FER1L6: variants seen among roughly 807,000 people sequenced by gnomAD.
FER1L6 encodes fer-1-like protein 6.
Under a neutral mutation model 219.2 loss-of-function variants are expected in FER1L6, and 177 were observed. That is an observed-to-expected ratio of 0.81 (90% CI 0.71 to 0.91). FER1L6 has a LOEUF of 0.91. Among genes scored for constraint, FER1L6 ranks in the 40% least tolerant of loss-of-function variants. The pLI, the probability that FER1L6 is intolerant of heterozygous loss-of-function variation, is 0.00. For synonymous variants in FER1L6, 768 were observed against 824.3 expected, an observed-to-expected ratio of 0.93 and a Z score of 1.17; for missense variants, 2,153 against 2,259.9, an observed-to-expected ratio of 0.95 and a Z score of 0.96.
intron 15 of FER1L6, among the ~76,000 whole-genome samples, chr8:124,014,908 C>G (rs1818112123): frequency 6.6e-6 from 1 of 152,156 alleles, no homozygotes; most frequent in African/African-American, 2.4e-5. Flanking sequence ...CTCTCCCTGG[C>G]TGCAGTCATA....
intron 18 of FER1L6, among the ~76,000 whole-genome samples, chr8:124,025,046 T>C (rs977713099): frequency 1.1e-4 from 17 of 150,062 alleles, no homozygotes; most frequent in Middle Eastern, 3.4e-3. Flanking sequence ...CAGTTTTTAA[T>C]GGAATTATTT....
chr8:124,016,466 A>AT (rs994749707), intron 15 of FER1L6, among the ~76,000 whole-genome samples: 1 of 151,640 alleles, frequency 6.6e-6, no homozygotes, highest in Non-Finnish European at 1.5e-5. Flanking sequence ...CATGCTCATC[A>AT]TTAAAAAAAA....
chr8:123,964,762 T>C (rs1815460904), intron 3 of FER1L6, among the ~76,000 whole-genome samples: 1 of 152,216 alleles, frequency 6.6e-6, no homozygotes, highest in Non-Finnish European at 1.5e-5. Flanking sequence ...CACCCACCAA[T>C]GCTCAATTCA....
At chr8:124,001,035 G>A (rs1817386358) in intron 12 of FER1L6, among the ~76,000 whole-genome samples, 1 of 152,142 alleles carries the variant, frequency 6.6e-6, no homozygotes, top group African/African-American at 2.4e-5. Context: ...TTATGAGGTG[G>A]GGCTCTAGGA....
In FER1L6 at chr8:123,975,173, G is replaced by A. The variant is rs920583578; in HGVS notation, c.550G>A (p.Ala184Thr). ...AGGTCATCAGTTCTGCAACAAGTGG[G>A]CCCTGCTCACAGACCCTGGTGACAT... is the stretch of plus-strand genomic sequence containing the variant. ...QPGHQFCNKW[A>T]LLTDPGDIRT... Residue 184 changes from alanine to threonine, a missense_variant, in exon 8 of 41, where the codon GCC becomes ACC. Transcript: ENST00000522917. The A allele has an allele frequency of 6.2e-7, 1 of 1,608,270 alleles. No individual in the cohort carries two copies. The highest frequency in any genetic ancestry group is 1.1e-5 in the South Asian group (1 of 90,268).
chr8:124,028,245 C>T (rs1818793557), intron 18 of FER1L6, among the ~76,000 whole-genome samples: 1 of 152,164 alleles, frequency 6.6e-6, no homozygotes, highest in African/African-American at 2.4e-5. Context: ...TTGTATTTTC[C>T]TTTTGCCATT....
At chr8:124,007,483 T>C (rs995672300) in intron 13 of FER1L6, among the ~76,000 whole-genome samples, 1 of 152,200 alleles carries the variant, frequency 6.6e-6, no homozygotes, top group Non-Finnish European at 1.5e-5. Context: ...CTTCTTCAAC[T>C]TTTTGTTATA....
intron 9 of FER1L6, among the ~76,000 whole-genome samples, 159 bp from the exon 10 acceptor site, chr8:123,977,258 G>A (rs1048979352): frequency 3.3e-5 from 5 of 152,214 alleles, no homozygotes; most frequent in Non-Finnish European, 7.3e-5. Context: ...CATAGAGCAG[G>A]TCATCAGTCA....
At chr8:123,867,253 A>G (rs1563667407) in intron 1 of FER1L6, among the ~76,000 whole-genome samples, 1 of 152,208 alleles carries the variant, frequency 6.6e-6, no homozygotes, top group East Asian at 1.9e-4. Flanking sequence ...ATGGTGTGAC[A>G]TTTTCATTTA....
chr8:124,050,527 A>C (rs113557337), intron 22 of FER1L6, among the ~76,000 whole-genome samples: 10 of 152,130 alleles, frequency 6.6e-5, no homozygotes, highest in Non-Finnish European at 8.8e-5. Context: ...TTGACCTCCT[A>C]CTCACTGAGG....
intron 12 of FER1L6, among the ~76,000 whole-genome samples, chr8:123,996,452 C>T (rs1215909251): frequency 6.6e-6 from 1 of 152,038 alleles, no homozygotes; most frequent in Non-Finnish European, 1.5e-5. Context: ...TATATCTACT[C>T]CTGTTTTTTG....
intron 1 of FER1L6, among the ~76,000 whole-genome samples, chr8:123,907,373 C>A (rs1812972607): frequency 6.6e-6 from 1 of 152,100 alleles, no homozygotes; most frequent in Non-Finnish European, 1.5e-5. Flanking sequence ...GCTGCTATCA[C>A]CACCCTCCAT....
chr8:124,078,815 C>T (rs1821408595), intron 32 of FER1L6, among the ~76,000 whole-genome samples: 1 of 151,564 alleles, frequency 6.6e-6, no homozygotes, highest in African/African-American at 2.4e-5. Flanking sequence ...CGGGTTCCAC[C>T]ACAGGAAGGG....
At chr8:124,010,268 C>T (rs1817861922) in intron 13 of FER1L6, among the ~76,000 whole-genome samples, 1 of 151,952 alleles carries the variant, frequency 6.6e-6, no homozygotes, top group African/African-American at 2.4e-5. Context: ...AAATTAATTA[C>T]TTAATTAAAT....
In FER1L6 at chr8:124,049,628, G is replaced by A. The variant is rs1227723464; in HGVS notation, c.2746G>A (p.Ala916Thr). 1.8e-5 allele frequency: 29 copies of A among 1,613,904 alleles called. No homozygotes were observed. The highest frequency in any genetic ancestry group is 1.7e-4 in the Middle Eastern group (1 of 5,926). ...TTAGGGGAAGCCAGAATATTTGGGTGCCACAGTGGCTGCTCCTGTTGTGAA... is the reference window on the plus strand; with the variant it reads ...TTAGGGGAAGCCAGAATATTTGGGTACCACAGTGGCTGCTCCTGTTGTGAA... The part of the protein sequence containing the change: ...DAVGKPEYLG[A>T]TVAAPVVKLA... The change falls in exon 22 of 41, where the codon GCC becomes ACC. Residue 916 changes from alanine to threonine, a missense_variant. Coordinates refer to ENST00000522917, the MANE Select transcript of FER1L6 (RefSeq NM_001039112.2).
chr8:124,118,799 T>G, intron 39 of FER1L6, 45 bp from the exon 40 acceptor site: 1 of 1,563,788 alleles, frequency 6.4e-7, no homozygotes, highest in Non-Finnish European at 8.8e-7. Flanking sequence ...ATTGGCTCAG[T>G]GGGTCTTTGT....
In FER1L6 at chr8:124,003,150, T is replaced by C; in HGVS notation, c.1520-17T>C. 3 of 1,610,612 alleles carry C rather than the reference T, an allele frequency of 1.9e-6. No individual in the cohort carries two copies. The highest frequency in any genetic ancestry group is 2.5e-6 in the Non-Finnish European group (3 of 1,177,796). ...TACCACCACCTGACCCCTTTCCCCT[T>C]GCTACTGCCTCTGCAGGTAATTTTG... On this transcript the variant is annotated splice_polypyrimidine_tract_variant and intron_variant, in intron 12 of 40. Transcript: ENST00000522917.
intron 1 of FER1L6, among the ~76,000 whole-genome samples, chr8:123,899,759 G>A (rs1812824767): frequency 6.6e-6 from 1 of 152,084 alleles, no homozygotes; most frequent in Admixed American, 6.6e-5. Context: ...TGAAAAAAGT[G>A]TCCTTTCTCC....
chr8:124,017,624 A>G lies in FER1L6; in HGVS notation c.1923-4A>G. On this transcript the variant is annotated splice_region_variant and splice_polypyrimidine_tract_variant and intron_variant, in intron 15 of 40. Transcript: ENST00000522917. ...GTTTCAAAATTGTTATTCTTTTCTT[A>G]TAGTGCCTTTATCTCTGAAGCAGAA... is the stretch of plus-strand genomic sequence containing the variant. 6.2e-7 allele frequency: 1 copy of G among 1,605,728 alleles called. No homozygotes were observed. The highest frequency in any genetic ancestry group is 1.3e-5 in the African/African-American group (1 of 74,740).
Sources: gnomAD v4.1 joint callset for allele counts (sites outside exome capture counted in the v4.1 genomes callset) on GRCh38, gnomAD v4.1.1 for gene constraint, MANE v1.5 for transcripts, NCBI Gene and HGNC (gene_info 2026-07-23, HGNC 2026-07-21) for gene names.